Variants in DENND5A observed in about 807,000 individuals in gnomAD.
DENND5A encodes DENN domain-containing protein 5A.
A neutral mutation model predicts 140.3 loss-of-function variants in DENND5A; 64 were observed. The observed-to-expected ratio is 0.46, with a 90% confidence interval of 0.37 to 0.56. DENND5A has a LOEUF of 0.56. DENND5A is among the 20% of genes least tolerant of loss of function. The pLI, the probability that DENND5A is intolerant of heterozygous loss-of-function variation, is 0.00. For synonymous variants in DENND5A, 605 were observed against 607.7 expected (o/e 1.00, Z 0.07); for missense variants, 1,292 against 1,593.8 (o/e 0.81, Z 3.22).
chr11:9,236,526 C>CCA (rs1851011128), intron 1 of DENND5A, among the ~76,000 whole-genome samples: 1 of 151,418 alleles, frequency 6.6e-6, no homozygotes, highest in Admixed American at 6.6e-5. Flanking sequence ...GAGCAAAACA[C>CCA]CACCTCAAAA....
At chr11:9,213,263 C>T (rs1397503357) in intron 1 of DENND5A, among the ~76,000 whole-genome samples, 1 of 151,884 alleles carries the variant, frequency 6.6e-6, no homozygotes, top group Non-Finnish European at 1.5e-5. Flanking sequence ...GCCTCAGCCT[C>T]CCAAAGTGCT....
intron 4 of DENND5A, among the ~76,000 whole-genome samples, chr11:9,203,187 C>A (rs981408882): frequency 2.0e-5 from 3 of 152,214 alleles, no homozygotes; most frequent in Non-Finnish European, 4.4e-5. Flanking sequence ...ATGCTGCTTA[C>A]ACTCAACCTC....
chr11:9,226,249 T>C (rs1177315793), intron 1 of DENND5A, among the ~76,000 whole-genome samples: 3 of 152,224 alleles, frequency 2.0e-5, no homozygotes, highest in African/African-American at 7.2e-5. Context: ...TTGTGGTAAT[T>C]CTATGATTCC....
At position 9,265,284 on chromosome 11, in the gene DENND5A, C is replaced by T; in HGVS notation, c.-215G>A. 1 of 260,724 alleles carries T rather than the reference C, an allele frequency of 3.8e-6. No homozygotes were observed. The highest frequency in any genetic ancestry group is 7.2e-6 in the Non-Finnish European group (1 of 138,650). 16.2% of individuals were successfully genotyped at this position (260,724 alleles called of 1,614,324 possible). A position where few individuals can be genotyped will look rare whatever the true frequency, so the allele number is the denominator to read the frequency against. On this transcript the variant is annotated 5_prime_UTR_variant, in exon 1 of 23. Coordinates refer to ENST00000328194, the MANE Select transcript of DENND5A (RefSeq NM_015213.4). The surrounding 1 kb of genome is among the most constrained non-coding windows in gnomAD (Gnocchi z 4.7). ...CCGCCCCGCACCGCATCCTGGATGC[C>T]TTCCCCTCCGCGCCGCCGCCGCTGC...
At chr11:9,178,753 T>C (rs761436149) in intron 7 of DENND5A, 105 bp downstream of exon 7, 12 of 957,238 alleles carry the variant, frequency 1.3e-5, no homozygotes, top group East Asian at 2.5e-5. Context: ...GTTTCCAGCA[T>C]ATGATAATCT....
At chr11:9,226,537 G>T (rs1294949160) in intron 1 of DENND5A, among the ~76,000 whole-genome samples, 1 of 151,898 alleles carries the variant, frequency 6.6e-6, no homozygotes, top group East Asian at 1.9e-4. Context: ...TGGTTATTTG[G>T]GATTTCACAT....
rs1203440681 is a variant in DENND5A at position 9,150,332 on chromosome 11, A to ATCTC, written c.2607-127_2607-124dup. On this transcript the variant is annotated intron_variant, in intron 14 of 22. Transcript: ENST00000328194. ...GACTTATCTCACCCTGGGAGAGCCT[A>ATCTC]TCTCTATATTCTCCAAATACTGGGC... The ATCTC allele has an allele frequency of 3.3e-6, 4 of 1,208,690 alleles. No individual in the cohort carries two copies. The African/African-American group carries it at 6.2e-5, about 19-fold the overall frequency. The allele number at this position is 1,208,690 out of a possible 1,614,324, so 74.9% of individuals were successfully genotyped here. A position where few individuals can be genotyped will look rare whatever the true frequency, so the allele number is the denominator to read the frequency against.
chr11:9,191,028 C>G (rs1849105645), intron 5 of DENND5A, among the ~76,000 whole-genome samples: 1 of 152,088 alleles, frequency 6.6e-6, no homozygotes, highest in African/African-American at 2.4e-5. Flanking sequence ...TGAACTAGGA[C>G]TCTGAAACCC....
chr11:9,157,274 C>T (rs1046451643), intron 12 of DENND5A, among the ~76,000 whole-genome samples: 2 of 152,142 alleles, frequency 1.3e-5, no homozygotes, highest in African/African-American at 4.8e-5. Context: ...TTATCACACG[C>T]CAGGTATTTC....
intron 1 of DENND5A, among the ~76,000 whole-genome samples, chr11:9,255,011 CAGTG>C (rs1851885425): frequency 1.3e-5 from 2 of 152,024 alleles, no homozygotes; most frequent in Non-Finnish European, 2.9e-5. Flanking sequence ...GCAGAGGTTG[CAGTG>C]AGCCAAGATC....
intron 5 of DENND5A, among the ~76,000 whole-genome samples, chr11:9,185,834 TTGTG>T (rs943066443): frequency 6.6e-6 from 1 of 151,836 alleles, no homozygotes; most frequent in African/African-American, 2.4e-5. Flanking sequence ...GTCTGTAAAT[TTGTG>T]TGTGTGTATC....
At chr11:9,256,367 G>C (rs1238531511) in intron 1 of DENND5A, among the ~76,000 whole-genome samples, 1 of 152,044 alleles carries the variant, frequency 6.6e-6, no homozygotes, top group Non-Finnish European at 1.5e-5. Context: ...GGCTGAGGCA[G>C]GAGAATCACT....
At chr11:9,251,122 G>C (rs1182199987) in intron 1 of DENND5A, among the ~76,000 whole-genome samples, 1 of 138,700 alleles carries the variant, frequency 7.2e-6, no homozygotes, top group East Asian at 2.1e-4. Flanking sequence ...GCAAGAGAGT[G>C]ACACTCCATC....
intron 1 of DENND5A, among the ~76,000 whole-genome samples, chr11:9,230,017 G>C (rs1394858429): frequency 1.4e-5 from 2 of 142,448 alleles, no homozygotes; most frequent in Non-Finnish European, 3.0e-5. Context: ...CCATTCTCCT[G>C]CCTCAGCCTC....
chr11:9,189,960 C>CA (rs781314094), intron 5 of DENND5A, among the ~76,000 whole-genome samples: 13 of 152,196 alleles, frequency 8.5e-5, no homozygotes, highest in Non-Finnish European at 1.2e-4. Flanking sequence ...CCTCTTGCAT[C>CA]AGTGTGACCT....
At chr11:9,242,031 A>T (rs1025591013) in intron 1 of DENND5A, among the ~76,000 whole-genome samples, 1 of 151,570 alleles carries the variant, frequency 6.6e-6, no homozygotes, top group African/African-American at 2.4e-5. Flanking sequence ...AAAAAAAAAA[A>T]AAAAAGTACA....
At chr11:9,169,609 A>C (rs1303033913) in intron 10 of DENND5A, among the ~76,000 whole-genome samples, 1 of 152,006 alleles carries the variant, frequency 6.6e-6, no homozygotes, top group Non-Finnish European at 1.5e-5. Context: ...CTCCTCAGGG[A>C]GCATCATGCA....
chr11:9,214,148 A>G (rs897716587), intron 1 of DENND5A, among the ~76,000 whole-genome samples: 16 of 152,194 alleles, frequency 1.1e-4, no homozygotes. Context: ...TTCCTGTTAT[A>G]AACACTTGTG....
chr11:9,265,278 G>A lies in DENND5A; in HGVS notation c.-209C>T. ...ACCGGGCCGCCCCGCACCGCATCCT[G>A]GATGCCTTCCCCTCCGCGCCGCCGC... On this transcript the variant is annotated 5_prime_UTR_variant, in exon 1 of 23. Transcript: ENST00000328194. This position sits in a 1 kb window ranked among gnomAD's most constrained non-coding sequence, Gnocchi z 4.7. 3.9e-6 allele frequency: 1 copy of A among 259,542 alleles called. No homozygotes were observed. Among genetic ancestry groups the A allele is most frequent in the Non-Finnish European group, 7.2e-6 (1 of 138,028 alleles). 16.1% of individuals were successfully genotyped at this position (259,542 alleles called of 1,614,324 possible).
Sources: allele counts gnomAD v4.1 joint callset (sites outside exome capture counted in the v4.1 genomes callset), GRCh38; gene constraint gnomAD v4.1.1; non-coding constraint Gnocchi (gnomAD v3.1); transcripts MANE v1.5; gene names NCBI Gene and HGNC (gene_info 2026-07-23, HGNC 2026-07-21).